TTC7A: variants seen among roughly 807,000 people sequenced by gnomAD.
TTC7A encodes the protein tetratricopeptide repeat domain 7A.
A neutral mutation model predicts 103.7 loss-of-function variants in TTC7A; 110 were observed. That is an observed-to-expected ratio of 1.06 (90% CI 0.91 to 1.24). The LOEUF is 1.24. Among genes scored for constraint, TTC7A ranks in the 50% most tolerant of loss-of-function variants. The pLI, the probability that TTC7A is intolerant of heterozygous loss-of-function variation, is 0.00. For missense variants in TTC7A, 1,340 were observed against 1,116.3 expected, an observed-to-expected ratio of 1.20 and a Z score of -2.86; for synonymous variants, 521 against 467.9, an observed-to-expected ratio of 1.11 and a Z score of -1.47.
At chr2:46,998,007 C>G (rs1676391974) in intron 8 of TTC7A, among the ~76,000 whole-genome samples, 1 of 152,104 alleles carries the variant, frequency 6.6e-6, no homozygotes, top group Non-Finnish European at 1.5e-5. Context: ...AGCTCTTTCC[C>G]TTTTGTAAGA....
At chr2:47,034,628 C>T (rs768473417) in intron 15 of TTC7A, among the ~76,000 whole-genome samples, 6 of 152,148 alleles carry the variant, frequency 3.9e-5, no homozygotes, top group African/African-American at 1.2e-4. Flanking sequence ...TCACGGCTCC[C>T]GTCCCAGGCC....
At chr2:46,999,464 G>A in intron 8 of TTC7A, 1 of 985,040 alleles carries the variant, frequency 1.0e-6, no homozygotes, top group Non-Finnish European at 1.2e-6. Flanking sequence ...CACCCACCAT[G>A]TATCCATCTA....
intron 6 of TTC7A, 95 bp downstream of exon 6, chr2:46,993,623 G>A: frequency 8.6e-7 from 1 of 1,164,214 alleles, no homozygotes; most frequent in Non-Finnish European, 1.3e-6. Flanking sequence ...AGCAGGGGTG[G>A]CAGTAGGTCT....
chr2:47,053,584 T>TTGGC (rs748903833), intron 18 of TTC7A, among the ~76,000 whole-genome samples: 1 of 151,408 alleles, frequency 6.6e-6, no homozygotes, highest in South Asian at 2.1e-4. Context: ...GGTTGGTTGG[T>TTGGC]TTTTTGAGGC....
At chr2:46,963,167 A>G (rs985454736) in intron 3 of TTC7A, among the ~76,000 whole-genome samples, 6 of 152,214 alleles carry the variant, frequency 3.9e-5, no homozygotes, top group Non-Finnish European at 7.3e-5. Context: ...CTTGTCTCCT[A>G]ATAGAATCTG....
chr2:47,040,885 T>C (rs1681661413), intron 15 of TTC7A, among the ~76,000 whole-genome samples: 1 of 152,350 alleles, frequency 6.6e-6, no homozygotes, highest in South Asian at 2.1e-4. Flanking sequence ...GGCCAGTGTG[T>C]ATTCACTTTG....
At chr2:46,962,816 G>A (rs1387156240) in intron 3 of TTC7A, among the ~76,000 whole-genome samples, 6 of 150,770 alleles carry the variant, frequency 4.0e-5, no homozygotes, top group Non-Finnish European at 7.4e-5. Flanking sequence ...CCCACCCCCT[G>A]ATGGGAGTGG....
intron 14 of TTC7A, 143 bp from the exon 15 acceptor site, chr2:47,029,078 GTGT>G: frequency 2.4e-6 from 2 of 846,732 alleles, no homozygotes; most frequent in Non-Finnish European, 1.8e-6. Context: ...TCTGGGGCAG[GTGT>G]TTTCTCACAG....
chr2:47,044,152 C>G (rs1682059648), intron 15 of TTC7A, among the ~76,000 whole-genome samples: 1 of 152,188 alleles, frequency 6.6e-6, no homozygotes, highest in African/African-American at 2.4e-5. Flanking sequence ...ACACCGGAGC[C>G]TCTTCTCTCT....
chr2:46,956,752 G>A (rs377444828), intron 2 of TTC7A, 87 bp from the exon 3 acceptor site: 49 of 1,489,064 alleles, frequency 3.3e-5, no homozygotes, highest in East Asian at 2.7e-4. Flanking sequence ...AGCAAGGTCT[G>A]AGGCAAACAA....
At chr2:47,052,023 G>C in intron 18 of TTC7A, 143 bp downstream of exon 18, 1 of 1,095,728 alleles carries the variant, frequency 9.1e-7, no homozygotes, top group South Asian at 1.9e-5. Context: ...GCCTCTGGCT[G>C]TGGGTCTCCT....
chr2:47,074,941 C>T lies in TTC7A; in HGVS notation c.*1018C>T, dbSNP rs1293381748. The T allele has an allele frequency of 6.6e-6, 1 of 152,248 alleles. No individual in the cohort carries two copies. The highest frequency in any genetic ancestry group is 1.5e-5 in the Non-Finnish European group (1 of 68,074). The allele number at this position is 152,248 out of a possible 1,614,324, so 9.4% of individuals were successfully genotyped here. A position where few individuals can be genotyped will look rare whatever the true frequency, so the allele number is the denominator to read the frequency against. On this transcript the variant is annotated 3_prime_UTR_variant, in exon 20 of 20. Coordinates refer to ENST00000319190, the MANE Select transcript of TTC7A (RefSeq NM_020458.4). The stretch of plus-strand genomic sequence containing the variant: ...CTTCCCCGGCCCCTGCTGCATGATG[C>T]TCTTGGAACTCTTCTCCAAGGAGTC...
chr2:47,068,916 G>A (rs1286476298), intron 19 of TTC7A, among the ~76,000 whole-genome samples: 2 of 149,156 alleles, frequency 1.3e-5, no homozygotes, highest in Non-Finnish European at 3.0e-5. Context: ...GGAGAGAGAA[G>A]GTAATGCGGC....
intron 1 of TTC7A, among the ~76,000 whole-genome samples, chr2:46,950,113 C>CTG (rs1553366872): frequency 6.6e-6 from 1 of 152,210 alleles, no homozygotes; most frequent in African/African-American, 2.4e-5. Context: ...CCTGGGAACT[C>CTG]TGTCTTCCCA....
In TTC7A at chr2:46,941,447, T is replaced by G; in HGVS notation, c.-95T>G. 1.5e-6 allele frequency: 2 copies of G among 1,363,596 alleles called. No homozygotes were observed. Among genetic ancestry groups the G allele is most frequent in the Non-Finnish European group, 1.9e-6 (2 of 1,041,120 alleles). The allele number at this position is 1,363,596 out of a possible 1,614,324, so 84.5% of individuals were successfully genotyped here. Reference sequence around the variant, plus strand: ...GCCCCGGCTGCCGTCTGCGCCCCCGTCGACCCCGCCCGCGAGTGCGCCCCA... The same window carrying G: ...GCCCCGGCTGCCGTCTGCGCCCCCGGCGACCCCGCCCGCGAGTGCGCCCCA... On this transcript the variant is annotated 5_prime_UTR_variant, in exon 1 of 20. Coordinates refer to ENST00000319190, the MANE Select transcript of TTC7A (RefSeq NM_020458.4). The surrounding 1 kb of genome is among the most constrained non-coding windows in gnomAD (Gnocchi z 4.2).
rs576298039 is a variant in TTC7A, at chr2:46,988,526, T to A, written c.765-4924T>A. On this transcript the variant is annotated intron_variant, in intron 5 of 19. Coordinates refer to ENST00000319190, the MANE Select transcript of TTC7A (RefSeq NM_020458.4). ...GGCCAGGGCCATATGCACTAGTATC[T>A]GTTTAGGTTCCATTCAGCCATCAGT... Among the ~76,000 whole-genome samples, 6 of 152,370 alleles carry A rather than the reference T, an allele frequency of 3.9e-5. No individual in the cohort carries two copies. In the South Asian group the frequency reaches 1.0e-3, roughly 26 times the overall value.
At chr2:47,012,244 C>A (rs1678153382) in intron 11 of TTC7A, among the ~76,000 whole-genome samples, 1 of 152,254 alleles carries the variant, frequency 6.6e-6, no homozygotes, top group East Asian at 1.9e-4. Flanking sequence ...GGGCCCACTT[C>A]TGGATAATCT....
intron 5 of TTC7A, among the ~76,000 whole-genome samples, chr2:46,984,592 C>A (rs1480583744): frequency 3.3e-5 from 5 of 152,224 alleles, no homozygotes; most frequent in African/African-American, 1.2e-4. Flanking sequence ...TTCCCCACAA[C>A]TGAATTTTCT....
intron 11 of TTC7A, among the ~76,000 whole-genome samples, chr2:47,019,866 G>C (rs1451404241): frequency 6.6e-6 from 1 of 152,190 alleles, no homozygotes; most frequent in East Asian, 1.9e-4. Flanking sequence ...GCCTGAGATA[G>C]TGTGTGAGAT....
Sources: gnomAD v4.1 joint callset for allele counts (sites outside exome capture counted in the v4.1 genomes callset) on GRCh38, gnomAD v4.1.1 for gene constraint, Gnocchi (gnomAD v3.1) non-coding constraint, MANE v1.5 for transcripts, NCBI Gene and HGNC (gene_info 2026-07-23, HGNC 2026-07-21) for gene names.